GMDS: variants seen among roughly 807,000 people sequenced by gnomAD.
GMDS encodes GDP-mannose 4,6 dehydratase.
A neutral mutation model predicts 49.9 loss-of-function variants in GMDS; 20 were observed. The ratio of observed to expected loss-of-function variants is 0.40; its 90% CI spans 0.28 to 0.58. GMDS has a LOEUF of 0.58. Ranked by LOEUF, GMDS falls within the 20% of genes least tolerant of loss-of-function variation. GMDS has a pLI of 0.42. For missense variants in GMDS, 362 were observed against 481.4 expected (o/e 0.75, Z 2.32); for synonymous variants, 177 against 178.6 (o/e 0.99, Z 0.07).
At chr6:1,871,058 G>GCACACACACA (rs3839602) in intron 7 of GMDS, among the ~76,000 whole-genome samples, 27 of 147,112 alleles carry the variant, frequency 1.8e-4, no homozygotes, top group African/African-American at 4.2e-4. Context: ...CTATCCCCCA[G>GCACACACACA]CACACACACA....
At chr6:2,245,130 T>C (rs924947030) in intron 1 of GMDS, among the ~76,000 whole-genome samples, 191 bp downstream of exon 1, 1 of 152,302 alleles carries the variant, frequency 6.6e-6, no homozygotes, top group East Asian at 1.9e-4. Context: ...AGGCGCTCGA[T>C]GTATCCCGCA....
At position 1,701,931 on chromosome 6, in the gene GMDS, A is replaced by G. The variant is rs901529061; in HGVS notation, c.987+24485T>C. On this transcript the variant is annotated intron_variant, in intron 9 of 10. Transcript: ENST00000380815. The stretch of plus-strand genomic sequence containing the variant: ...TTCCAAAGTAGCTGAAAGCTGATTC[A>G]CAACACAGGAGTTTGCCTTTTACAG... Among the ~76,000 whole-genome samples, 3 of 152,268 alleles carry G rather than the reference A, an allele frequency of 2.0e-5. No homozygotes were observed. In the East Asian group the frequency reaches 5.8e-4, roughly 29 times the overall value.
intron 2 of GMDS, among the ~76,000 whole-genome samples, chr6:2,118,146 G>C (rs921481192): frequency 1.3e-5 from 2 of 151,342 alleles, no homozygotes; most frequent in African/African-American, 2.4e-5. Flanking sequence ...AAACTCAAAC[G>C]AAGAGAGGAT....
rs138654206 is a variant in GMDS, at chr6:2,015,302, A to AAC, written c.346-54338_346-54337dup. 6.8e-3 allele frequency among the ~76,000 whole-genome samples: 1,034 copies of AAC among 152,318 alleles called. 11 individuals are homozygous for AAC. The highest frequency in any genetic ancestry group is 0.023 in the African/African-American group (952 of 41,574). On this transcript the variant is annotated intron_variant, in intron 4 of 10. Coordinates refer to ENST00000380815, the MANE Select transcript of GMDS (RefSeq NM_001500.4). ...AGATAGACCATGGATGGGACCATAA[A>AAC]ACACACAGTAACAAAATTCAAAAAA... is the stretch of plus-strand genomic sequence containing the variant.
intron 7 of GMDS, among the ~76,000 whole-genome samples, chr6:1,745,003 A>ACG: frequency 6.6e-6 from 1 of 152,140 alleles, no homozygotes; most frequent in East Asian, 1.9e-4. Flanking sequence ...ACACACACAC[A>ACG]GAAACTTATT....
intron 7 of GMDS, among the ~76,000 whole-genome samples, chr6:1,812,324 G>GGATTTCA (rs1208099933): frequency 2.6e-5 from 4 of 152,288 alleles, no homozygotes; most frequent in African/African-American, 7.2e-5. Context: ...TGTGAAGAGA[G>GGATTTCA]CGTGAGAAGG....
At chr6:1,913,997 T>C (rs774729944) in intron 7 of GMDS, among the ~76,000 whole-genome samples, 1 of 152,132 alleles carries the variant, frequency 6.6e-6, no homozygotes, top group African/African-American at 2.4e-5. Flanking sequence ...ATCCTATAGA[T>C]CTTTCTGCTG....
chr6:2,102,084 A>G (rs997238079), intron 4 of GMDS, among the ~76,000 whole-genome samples: 2 of 152,152 alleles, frequency 1.3e-5, no homozygotes, highest in African/African-American at 4.8e-5. Flanking sequence ...GAAATTTTTC[A>G]AATATCTAAG....
At chr6:1,688,053 T>C (rs1437556551) in intron 9 of GMDS, among the ~76,000 whole-genome samples, 3 of 152,168 alleles carry the variant, frequency 2.0e-5, no homozygotes, top group African/African-American at 7.2e-5. Context: ...GTGAGGCTCT[T>C]AAATCCACAG....
chr6:2,000,953 T>C (rs563388857), intron 4 of GMDS, among the ~76,000 whole-genome samples: 5 of 152,354 alleles, frequency 3.3e-5, no homozygotes, highest in African/African-American at 1.2e-4. Flanking sequence ...AGCACTGCTA[T>C]AAACATTCTT....
intron 4 of GMDS, among the ~76,000 whole-genome samples, chr6:2,068,304 A>G (rs933175694): frequency 1.3e-5 from 2 of 150,404 alleles, no homozygotes; most frequent in African/African-American, 2.4e-5. Context: ...CCCACAGCCA[A>G]TATCATACTG....
At position 1,930,243 on chromosome 6, in the gene GMDS, A is replaced by G. The variant is rs1762226342; in HGVS notation, c.644-13T>C. 6.2e-7 allele frequency: 1 copy of G among 1,611,468 alleles called. No individual in the cohort carries two copies. Among genetic ancestry groups the G allele is most frequent in the Non-Finnish European group, 8.5e-7 (1 of 1,178,412 alleles). ...ACGAAATTAGCTCCTAAAAAGAGGC[A>G]AAAGATGTAGTATCAGTCAAGTGCA... On this transcript the variant is annotated splice_polypyrimidine_tract_variant and intron_variant, in intron 6 of 10. Coordinates refer to ENST00000380815, the MANE Select transcript of GMDS (RefSeq NM_001500.4).
chr6:1,925,486 T>C (rs1318486714), intron 7 of GMDS, among the ~76,000 whole-genome samples: 1 of 152,210 alleles, frequency 6.6e-6, no homozygotes, highest in Non-Finnish European at 1.5e-5. Flanking sequence ...ACAGGGTTTA[T>C]ATTCTGTCCT....
At chr6:1,708,232 T>C (rs1765809117) in intron 9 of GMDS, among the ~76,000 whole-genome samples, 1 of 152,320 alleles carries the variant, frequency 6.6e-6, no homozygotes, top group South Asian at 2.1e-4. Context: ...CATCTGGGTA[T>C]ATCTCAAAGG....
chr6:2,149,602 T>C (rs1248936583), intron 1 of GMDS, among the ~76,000 whole-genome samples: 1 of 152,220 alleles, frequency 6.6e-6, no homozygotes, highest in Non-Finnish European at 1.5e-5. Flanking sequence ...CCCACGCCAG[T>C]TCTGAATCCA....
chr6:1,650,228 C>T (rs62390648), intron 9 of GMDS, among the ~76,000 whole-genome samples: 18,612 of 152,036 alleles, frequency 0.12, 1,518 homozygotes, highest in Non-Finnish European at 0.18. Context: ...TCAGGGCAGC[C>T]GTGAGCCCAG....
intron 6 of GMDS, among the ~76,000 whole-genome samples, chr6:1,940,324 TTAGA>T (rs1180090878): frequency 6.6e-6 from 1 of 152,256 alleles, no homozygotes; most frequent in African/African-American, 2.4e-5. Context: ...TTTTTTGGAG[TTAGA>T]TAAAGTACAA....
chr6:1,704,507 G>A (rs951623994), intron 9 of GMDS, among the ~76,000 whole-genome samples: 1 of 152,192 alleles, frequency 6.6e-6, no homozygotes, highest in African/African-American at 2.4e-5. Context: ...AAATCAGCAA[G>A]ACCAACTAGA....
At chr6:1,875,610 G>A (rs1218946590) in intron 7 of GMDS, among the ~76,000 whole-genome samples, 4 of 152,100 alleles carry the variant, frequency 2.6e-5, no homozygotes, top group Non-Finnish European at 4.4e-5. Flanking sequence ...TATCTTGTAT[G>A]TCAAGATGTT....
Sources: allele counts gnomAD v4.1 joint callset (sites outside exome capture counted in the v4.1 genomes callset), GRCh38; gene constraint gnomAD v4.1.1; transcripts MANE v1.5; gene names NCBI Gene and HGNC (gene_info 2026-07-23, HGNC 2026-07-21).